Variants in PDE4D observed in about 807,000 individuals in gnomAD.
PDE4D encodes phosphodiesterase 4D.
In PDE4D, 24 loss-of-function variants were observed where a neutral mutation model predicts 87.4. The ratio of observed to expected loss-of-function variants is 0.27; its 90% CI spans 0.20 to 0.39. PDE4D has a LOEUF of 0.39. Among genes scored for constraint, PDE4D ranks in the 10% least tolerant of loss-of-function variants. The probability of loss-of-function intolerance (pLI) is 1.00; values close to 1 mark genes in which losing one functional copy is unlikely to be tolerated. For synonymous variants in PDE4D, 384 were observed against 383.2 expected (o/e 1.00, Z -0.02); for missense variants, 714 against 1,041.0 (o/e 0.69, Z 4.32).
chr5:60,440,435 A>G (rs1473454674), intron 1 of PDE4D, among the ~76,000 whole-genome samples: 2 of 152,176 alleles, frequency 1.3e-5, no homozygotes, highest in African/African-American at 4.8e-5. Context: ...GCCAACATGA[A>G]TCAAGTAAAC....
intron 2 of PDE4D, among the ~76,000 whole-genome samples, chr5:60,013,052 C>T (rs1235080495): frequency 6.6e-6 from 1 of 152,172 alleles, no homozygotes; most frequent in Non-Finnish European, 1.5e-5. Context: ...GATTTCTTGC[C>T]TGTGTCCCTG....
intron 5 of PDE4D, among the ~76,000 whole-genome samples, chr5:59,047,815 A>T (rs925702810): frequency 1.3e-5 from 2 of 152,200 alleles, no homozygotes; most frequent in African/African-American, 2.4e-5. Context: ...AGCCCTCATG[A>T]ATTAGATTCG....
At chr5:59,477,783 G>T (rs1432085621) in intron 1 of PDE4D, among the ~76,000 whole-genome samples, 2 of 151,994 alleles carry the variant, frequency 1.3e-5, no homozygotes, top group Non-Finnish European at 2.9e-5. Context: ...CAATAGCAAA[G>T]ACATGAAACC....
intron 1 of PDE4D, among the ~76,000 whole-genome samples, chr5:59,502,858 C>G (rs1808557033): frequency 6.7e-6 from 1 of 149,786 alleles, no homozygotes; most frequent in Non-Finnish European, 1.5e-5. Context: ...TTCTAATTCT[C>G]AATCACAATA....
At chr5:60,304,600 G>T (rs894242186) in intron 1 of PDE4D, among the ~76,000 whole-genome samples, 5 of 143,710 alleles carry the variant, frequency 3.5e-5, no homozygotes, top group Non-Finnish European at 7.4e-5. Context: ...AGCCGAGATT[G>T]CGCCACTGCA....
intron 1 of PDE4D, among the ~76,000 whole-genome samples, chr5:59,817,184 A>G (rs1769070194): frequency 6.6e-6 from 1 of 152,214 alleles, no homozygotes; most frequent in African/African-American, 2.4e-5. Context: ...CTCAGTAGCT[A>G]AAGGTGGCTC....
intron 1 of PDE4D, among the ~76,000 whole-genome samples, chr5:60,244,498 C>A (rs548550274): frequency 3.4e-4 from 52 of 151,920 alleles, no homozygotes; most frequent in Non-Finnish European, 7.2e-4. Context: ...CAAATCTATC[C>A]TAATCAAAAG....
At chr5:60,291,028 T>C (rs1752850310) in intron 1 of PDE4D, among the ~76,000 whole-genome samples, 1 of 152,186 alleles carries the variant, frequency 6.6e-6, no homozygotes, top group South Asian at 2.1e-4. Context: ...CTCGAAGGAA[T>C]GTGAGGTAGC....
intron 2 of PDE4D, among the ~76,000 whole-genome samples, chr5:59,198,921 C>A (rs1475481560): frequency 6.6e-6 from 1 of 152,074 alleles, no homozygotes; most frequent in African/African-American, 2.4e-5. Flanking sequence ...CTGTTGTCAT[C>A]TTAAAAAAAT....
chr5:59,416,904 G>A (rs1044996011), intron 1 of PDE4D, among the ~76,000 whole-genome samples: 1 of 152,104 alleles, frequency 6.6e-6, no homozygotes, highest in Admixed American at 6.5e-5. Context: ...AAAATTATAT[G>A]TTCTGTACAT....
chr5:60,462,412 A>C, intron 1 of PDE4D, among the ~76,000 whole-genome samples: 1 of 152,150 alleles, frequency 6.6e-6, no homozygotes, highest in East Asian at 1.9e-4. Flanking sequence ...CAGTGGAGCC[A>C]GGGCAAGAAG....
At chr5:60,010,203 G>T (rs1008185353) in intron 2 of PDE4D, among the ~76,000 whole-genome samples, 1 of 152,034 alleles carries the variant, frequency 6.6e-6, no homozygotes, top group African/African-American at 2.4e-5. Flanking sequence ...TTTCCTCAAA[G>T]CCACTGGCAA....
intron 1 of PDE4D, among the ~76,000 whole-genome samples, chr5:59,431,832 T>A (rs1562177063): frequency 6.6e-6 from 1 of 152,100 alleles, no homozygotes; most frequent in Non-Finnish European, 1.5e-5. Flanking sequence ...CTTGTGTTCA[T>A]GAGTTCTCAT....
intron 1 of PDE4D, among the ~76,000 whole-genome samples, chr5:59,782,793 G>T (rs1764760798): frequency 6.6e-6 from 1 of 152,168 alleles, no homozygotes; most frequent in Non-Finnish European, 1.5e-5. Flanking sequence ...CAACTCATGA[G>T]AATTTTATGA....
intron 1 of PDE4D, among the ~76,000 whole-genome samples, chr5:59,629,902 AG>A (rs1561361034): frequency 6.6e-6 from 1 of 152,212 alleles, no homozygotes; most frequent in Non-Finnish European, 1.5e-5. Context: ...CCTGGGTCTC[AG>A]TGTTTCTTAT....
intron 2 of PDE4D, among the ~76,000 whole-genome samples, chr5:59,999,928 T>C (rs955728433): frequency 2.6e-5 from 4 of 151,892 alleles, no homozygotes; most frequent in East Asian, 3.9e-4. Context: ...AATACAGTAA[T>C]TGAGTTGAAA....
chr5:59,725,368 C>G (rs1756451756), intron 1 of PDE4D, among the ~76,000 whole-genome samples: 3 of 152,020 alleles, frequency 2.0e-5, no homozygotes, highest in Admixed American at 2.0e-4. Flanking sequence ...AGGCATTACA[C>G]CCAAGATATA....
intron 1 of PDE4D, among the ~76,000 whole-genome samples, chr5:59,691,841 AATAAATATTATTTT>A (rs1378460919): frequency 6.6e-6 from 1 of 152,126 alleles, no homozygotes; most frequent in African/African-American, 2.4e-5. Flanking sequence ...CCTTTCATTC[AATAAATATTATTTT>A]ATATAGGAAG....
At chr5:59,164,090 G>A (rs1383559142) in intron 5 of PDE4D, among the ~76,000 whole-genome samples, 1 of 152,196 alleles carries the variant, frequency 6.6e-6, no homozygotes, top group Non-Finnish European at 1.5e-5. Context: ...TGTTAAATGA[G>A]TCTTAATTGC....
Sources: allele counts gnomAD v4.1 joint callset (sites outside exome capture counted in the v4.1 genomes callset), GRCh38; gene constraint gnomAD v4.1.1; transcripts MANE v1.5; gene names NCBI Gene and HGNC (gene_info 2026-07-23, HGNC 2026-07-21).